The following OR6C2 variants were observed in gnomAD, a reference collection of about 807,000 sequenced individuals.
The protein encoded by OR6C2 is olfactory receptor family 6 subfamily C member 2, also known as olfactory receptor 6C2.
For missense variants in OR6C2, 435 were observed against 365.8 expected, an observed-to-expected ratio of 1.19 and a Z score of -1.54; for synonymous variants, 146 against 134.2, an observed-to-expected ratio of 1.09 and a Z score of -0.61.
intron 1 of OR6C2, among the ~76,000 whole-genome samples, chr12:55,445,209 T>C (rs1287520359): frequency 6.6e-6 from 1 of 152,206 alleles, no homozygotes; most frequent in Non-Finnish European, 1.5e-5. Context: ...ATCTTCATTC[T>C]CATTATGCCA....
At chr12:55,451,228 G>C (rs542169749) in intron 1 of OR6C2, 99 bp from the exon 2 acceptor site, 6 of 151,876 alleles carry the variant, frequency 4.0e-5, no homozygotes, top group African/African-American at 1.2e-4. Context: ...ATTGACTATA[G>C]TGTCCCTATT....
At chr12:55,447,572 G>A (rs1267434646) in intron 1 of OR6C2, among the ~76,000 whole-genome samples, 1 of 152,032 alleles carries the variant, frequency 6.6e-6, no homozygotes, top group Non-Finnish European at 1.5e-5. Flanking sequence ...CCATATATAA[G>A]TATAATCATG....
In OR6C2 at chr12:55,446,014, T is replaced by C. The variant is rs568769276; in HGVS notation, c.-888+1855T>C. Among the ~76,000 whole-genome samples, 6 of 152,382 alleles carry C rather than the reference T, an allele frequency of 3.9e-5. No individual in the cohort carries two copies. The East Asian group carries it at 1.2e-3, about 29-fold the overall frequency. ...TTGTGACAAATGTCTTTGATATTTCTAATTCAGAGAATTATACACACTAAA... is the reference window on the plus strand; with the variant it reads ...TTGTGACAAATGTCTTTGATATTTCCAATTCAGAGAATTATACACACTAAA... On this transcript the variant is annotated intron_variant, in intron 1 of 1. Coordinates refer to ENST00000641202, the MANE Select transcript of OR6C2 (RefSeq NM_054105.2).
rs1871481974 is a variant in OR6C2, at chr12:55,451,990, A to G, written c.-224A>G. Reference sequence around the variant, plus strand: ...ATCAAAGAAAAAGTTGGATTGTTTTACAAAACTTGATTTCTTAAGGAGATA... The same window carrying G: ...ATCAAAGAAAAAGTTGGATTGTTTTGCAAAACTTGATTTCTTAAGGAGATA... On this transcript the variant is annotated 5_prime_UTR_variant, in exon 2 of 2. Coordinates refer to ENST00000641202, the MANE Select transcript of OR6C2 (RefSeq NM_054105.2). 2.5e-6 allele frequency: 1 copy of G among 399,624 alleles called. No homozygotes were observed. Among genetic ancestry groups the G allele is most frequent in the South Asian group, 1.0e-4 (1 of 9,588 alleles). The allele number at this position is 399,624 out of a possible 1,614,324, so 24.8% of individuals were successfully genotyped here.
chr12:55,447,322 G>A (rs1871381388), intron 1 of OR6C2, among the ~76,000 whole-genome samples: 1 of 128,118 alleles, frequency 7.8e-6, no homozygotes, highest in Admixed American at 8.2e-5. Flanking sequence ...TTAGTTTTTG[G>A]GTTTTTTTTT....
intron 1 of OR6C2, among the ~76,000 whole-genome samples, chr12:55,450,595 G>A (rs1049265422): frequency 6.6e-6 from 1 of 152,078 alleles, no homozygotes; most frequent in East Asian, 1.9e-4. Context: ...CCCAACTTGT[G>A]ATGTATACTT....
Position 55,452,370 on chromosome 12 carries a change from CT to C in OR6C2, c.159del (p.Thr55LeufsTer13). 1 of 1,613,720 alleles carries C rather than the reference CT, an allele frequency of 6.2e-7. No individual in the cohort carries two copies. The highest frequency in any genetic ancestry group is 8.5e-7 in the Non-Finnish European group (1 of 1,179,812). On this transcript the variant is annotated frameshift_variant, in exon 2 of 2. Coordinates refer to ENST00000641202, the MANE Select transcript of OR6C2 (RefSeq NM_054105.2). LOFTEE classifies it low-confidence loss of function (END_TRUNC). ...IITLTLVDHH[L>X]KTPMYFFLRN... ...CACCCTCACATTGGTGGACCACCACCTTAAAACTCCTATGTACTTCTTTCTC... is the reference window on the plus strand; with the variant it reads ...CACCCTCACATTGGTGGACCACCACCTAAAACTCCTATGTACTTCTTTCTC...
rs1017938495 is a variant in OR6C2 at position 55,451,941 on chromosome 12, G to A, written c.-273G>A. ...TAACAAACTACAATCAACTGCATTT[G>A]TAAATTCTGATGGATAAGGAATGAT... is the stretch of plus-strand genomic sequence containing the variant. On this transcript the variant is annotated 5_prime_UTR_variant, in exon 2 of 2. Coordinates refer to ENST00000641202, the MANE Select transcript of OR6C2 (RefSeq NM_054105.2). 1 of 321,458 alleles carries A rather than the reference G, an allele frequency of 3.1e-6. No individual in the cohort carries two copies. The highest frequency in any genetic ancestry group is 4.4e-5 in the Admixed American group (1 of 22,816). 19.9% of individuals were successfully genotyped at this position (321,458 alleles called of 1,614,324 possible). A position where few individuals can be genotyped will look rare whatever the true frequency, so the allele number is the denominator to read the frequency against.
In OR6C2 at chr12:55,453,200, G is replaced by T; in HGVS notation, c.*48G>T. 7.4e-7 allele frequency: 1 copy of T among 1,354,404 alleles called. No individual in the cohort carries two copies. The highest frequency in any genetic ancestry group is 2.3e-5 in the East Asian group (1 of 42,796). The allele number at this position is 1,354,404 out of a possible 1,614,324, so 83.9% of individuals were successfully genotyped here. On this transcript the variant is annotated 3_prime_UTR_variant, in exon 2 of 2. Coordinates refer to ENST00000641202, the MANE Select transcript of OR6C2 (RefSeq NM_054105.2). ...AGTGAATGAAGAAGGCTCCCTAAAT[G>T]TCATCCTACAGCTTTTAACTTATTT...
chr12:55,445,601 C>A (rs1871348267), intron 1 of OR6C2, among the ~76,000 whole-genome samples: 1 of 152,086 alleles, frequency 6.6e-6, no homozygotes, highest in Admixed American at 6.6e-5. Context: ...GTTATTGCTC[C>A]ATGAACAGAA....
chr12:55,444,492 T>C (rs1367768701), intron 1 of OR6C2, among the ~76,000 whole-genome samples: 1 of 152,214 alleles, frequency 6.6e-6, no homozygotes, highest in Non-Finnish European at 1.5e-5. Flanking sequence ...GTTAGCTTTT[T>C]TCTAAATTGT....
intron 1 of OR6C2, among the ~76,000 whole-genome samples, chr12:55,449,005 T>C (rs1871418923): frequency 6.6e-6 from 1 of 151,986 alleles, no homozygotes; most frequent in Admixed American, 6.6e-5. Flanking sequence ...AAATGAACCT[T>C]CTAATATGTG....
chr12:55,446,192 G>A (rs1592296646), intron 1 of OR6C2, among the ~76,000 whole-genome samples: 2 of 150,720 alleles, frequency 1.3e-5, no homozygotes, highest in South Asian at 2.1e-4. Context: ...TCTTGTTGCC[G>A]AGGCTGGAGT....
chr12:55,449,595 T>A (rs1177502247), intron 1 of OR6C2, among the ~76,000 whole-genome samples: 1 of 151,774 alleles, frequency 6.6e-6, no homozygotes, highest in African/African-American at 2.4e-5. Flanking sequence ...CCGAAGTCTC[T>A]CTTAGAAAAG....
intron 1 of OR6C2, among the ~76,000 whole-genome samples, 180 bp downstream of exon 1, chr12:55,444,339 T>C (rs1331059277): frequency 6.6e-6 from 1 of 152,152 alleles, no homozygotes; most frequent in African/African-American, 2.4e-5. Flanking sequence ...AGCTAGGACA[T>C]ATTTATGCAT....
chr12:55,452,329 G>A lies in OR6C2; in HGVS notation c.116G>A (p.Gly39Glu). The part of the protein sequence containing the change: ...LFLTYMLSVT[G>E]NLTIITLTLV... ...CTCACCTACATGTTGAGTGTAACAG[G>A]GAACCTGACTATTATCACCCTCACA... is the stretch of plus-strand genomic sequence containing the variant. The change falls in exon 2 of 2, where the codon GGG becomes GAG. Residue 39 changes from glycine to glutamate, a missense_variant. Coordinates refer to ENST00000641202, the MANE Select transcript of OR6C2 (RefSeq NM_054105.2). The A allele has an allele frequency of 6.2e-7, 1 of 1,613,346 alleles. No homozygotes were observed. Among genetic ancestry groups the A allele is most frequent in the Non-Finnish European group, 8.5e-7 (1 of 1,179,528 alleles).
At position 55,453,064 on chromosome 12, in the gene OR6C2, AC is replaced by A; in HGVS notation, c.855del (p.Phe286SerfsTer5). The A allele has an allele frequency of 6.2e-7, 1 of 1,613,336 alleles. No individual in the cohort carries two copies. The highest frequency in any genetic ancestry group is 1.3e-5 in the African/African-American group (1 of 74,950). On this transcript the variant is annotated frameshift_variant, in exon 2 of 2. Transcript: ENST00000641202. LOFTEE classifies it low-confidence loss of function (END_TRUNC). The part of the protein sequence containing the change: ...VLTTSVAPLL[N>X]PFIYTLRNKQ... ...ACTACTTCTGTCGCACCCTTGTTGA[AC>A]CCCTTCATTTACACCTTGAGGAACA...
chr12:55,449,566 G>C (rs187048813), intron 1 of OR6C2, among the ~76,000 whole-genome samples: 1 of 151,814 alleles, frequency 6.6e-6, no homozygotes, highest in East Asian at 1.9e-4. Context: ...AATTCCACCT[G>C]ATTTTTCCAT....
Position 55,452,659 on chromosome 12 carries a change from C to T in OR6C2, c.446C>T (p.Ala149Val), listed in dbSNP as rs778683707. 1 of 1,613,786 alleles carries T rather than the reference C, an allele frequency of 6.2e-7. No homozygotes were observed. Among genetic ancestry groups the T allele is most frequent in the Admixed American group, 1.7e-5 (1 of 59,940 alleles). ...CTLLVLCCWV[A>V]GLMIIVPPLS... The stretch of plus-strand genomic sequence containing the variant: ...TTATTAGTTCTCTGCTGTTGGGTGG[C>T]TGGCTTGATGATCATTGTTCCACCA... The change falls in exon 2 of 2, where the codon GCT becomes GTT. Residue 149 changes from alanine (A) to valine (V), a missense_variant. Ala to Val is a moderately conservative substitution (Grantham distance 64, BLOSUM62 0). Transcript: ENST00000641202.
Sources: allele counts gnomAD v4.1 joint callset (sites outside exome capture counted in the v4.1 genomes callset), GRCh38; gene constraint gnomAD v4.1.1; transcripts MANE v1.5; gene names NCBI Gene and HGNC (gene_info 2026-07-23, HGNC 2026-07-21).